MKLN1: variants seen among roughly 807,000 people sequenced by gnomAD.
MKLN1 encodes muskelin.
A neutral mutation model predicts 99.0 loss-of-function variants in MKLN1; 18 were observed. The ratio of observed to expected loss-of-function variants is 0.18; its 90% CI spans 0.13 to 0.27. The LOEUF (loss-of-function observed/expected upper bound fraction) is 0.27. MKLN1 is among the 10% of genes least tolerant of loss of function. MKLN1 has a pLI of 1.00. For missense variants in MKLN1, 621 were observed against 875.9 expected, an observed-to-expected ratio of 0.71 and a Z score of 3.67; for synonymous variants, 288 against 293.2, an observed-to-expected ratio of 0.98 and a Z score of 0.18.
Position 131,297,028 on chromosome 7 carries a change from T to C in MKLN1, c.-178-78396T>C, listed in dbSNP as rs1798300254. On this transcript the variant is annotated intron_variant, in intron 3 of 7. Coordinates refer to the MKLN1 transcript ENST00000416992. Reference sequence around the variant, plus strand: ...TGCTGGGATTACAGGCATGAGCCACTGCACCTGGCCAAGACCTCATCTCTT... The same window carrying C: ...TGCTGGGATTACAGGCATGAGCCACCGCACCTGGCCAAGACCTCATCTCTT... Among the ~76,000 whole-genome samples the C allele has an allele frequency of 1.3e-5, 2 of 151,190 alleles. 1 individual carries two copies. The highest frequency in any genetic ancestry group is 4.3e-4 in the South Asian group (2 of 4,630).
At chr7:131,403,186 CTAT>C (rs1409521530) in intron 6 of MKLN1, among the ~76,000 whole-genome samples, 1 of 152,172 alleles carries the variant, frequency 6.6e-6, no homozygotes, top group Non-Finnish European at 1.5e-5. Flanking sequence ...GCTGCATCTT[CTAT>C]AATACATCAA....
At chr7:131,222,232 C>G (rs1245847179) in intron 3 of MKLN1, among the ~76,000 whole-genome samples, 1 of 152,114 alleles carries the variant, frequency 6.6e-6, no homozygotes, top group Non-Finnish European at 1.5e-5. Flanking sequence ...TTACAACAAC[C>G]CTGTGAGCTA....
chr7:131,129,946 GC>G (rs1563224939), intron 1 of MKLN1, among the ~76,000 whole-genome samples: 1 of 152,108 alleles, frequency 6.6e-6, no homozygotes, highest in African/African-American at 2.4e-5. Flanking sequence ...ATTAACAGTG[GC>G]AATATTGTGG....
chr7:131,411,467 A>G (rs1794872172), intron 7 of MKLN1, 84 bp downstream of exon 7: 6 of 907,024 alleles, frequency 6.6e-6, no homozygotes, highest in African/African-American at 1.7e-5. Flanking sequence ...GTATCATAGT[A>G]CTAAGTTAAT....
chr7:131,264,163 A>G (rs1274999462), intron 3 of MKLN1, among the ~76,000 whole-genome samples: 1 of 152,140 alleles, frequency 6.6e-6, no homozygotes, highest in East Asian at 1.9e-4. Context: ...GCCATAGACA[A>G]ATAGATCTTT....
In MKLN1 at chr7:131,434,226, T is replaced by A. The variant is rs959032215; in HGVS notation, c.961-3559T>A. On this transcript the variant is annotated intron_variant, in intron 9 of 17. Transcript: ENST00000352689. ...AATGATATTGAATCTTTCTACACCA[T>A]GAACATGGTTTAGTCTCCATTTATT... Among the ~76,000 whole-genome samples the A allele has an allele frequency of 2.0e-5, 3 of 152,190 alleles. No individual in the cohort carries two copies. The East Asian group carries it at 5.8e-4, about 29-fold the overall frequency.
intron 15 of MKLN1, among the ~76,000 whole-genome samples, chr7:131,467,189 A>G (rs1796689972): frequency 6.6e-6 from 1 of 152,162 alleles, no homozygotes; most frequent in African/African-American, 2.4e-5. Context: ...GACCCTGTAT[A>G]TTATTCTGTG....
rs745737608 is a variant in MKLN1 at position 131,387,236 on chromosome 7, A to G, written c.285A>G (p.Glu95=). 6.2e-7 allele frequency: 1 copy of G among 1,612,186 alleles called. No homozygotes were observed. The highest frequency in any genetic ancestry group is 8.5e-7 in the Non-Finnish European group (1 of 1,179,290). ...TTAAAGTCTTTGGTGGAATGAATGA[A>G]GAAAATATGACAGAGCTGTTGTCCA... ...KKFKVFGGMN[E]ENMTELLSSG... is the part of the protein sequence containing the mutation. Residue 95 remains glutamate, a synonymous_variant, in exon 3 of 18, where the codon GAA becomes GAG. Transcript: ENST00000352689.
intron 1 of MKLN1, among the ~76,000 whole-genome samples, chr7:131,124,825 C>A (rs1357133499): frequency 6.6e-6 from 1 of 152,212 alleles, no homozygotes; most frequent in Non-Finnish European, 1.5e-5. Flanking sequence ...GCTGCCTACA[C>A]CCCTGCTGTG....
At chr7:131,276,842 G>A (rs1158059465) in intron 3 of MKLN1, among the ~76,000 whole-genome samples, 1 of 152,190 alleles carries the variant, frequency 6.6e-6, no homozygotes, top group African/African-American at 2.4e-5. Context: ...CAGTGACTCT[G>A]TCTGACTTTT....
chr7:131,417,915 G>T (rs899921882), intron 8 of MKLN1, among the ~76,000 whole-genome samples: 6 of 152,066 alleles, frequency 3.9e-5, no homozygotes, highest in Admixed American at 3.9e-4. Context: ...TTATAAGTTG[G>T]AGAAAATTTT....
intron 2 of MKLN1, among the ~76,000 whole-genome samples, chr7:131,161,949 ACG>A (rs767328735): frequency 0.13 from 14,324 of 110,266 alleles, 822 homozygotes; most frequent in African/African-American, 0.14. Flanking sequence ...ACATATATAT[ACG>A]TGTGTGTGTG....
chr7:131,484,875 G>T (rs1173925069), intron 17 of MKLN1, among the ~76,000 whole-genome samples: 8 of 152,008 alleles, frequency 5.3e-5, no homozygotes. Flanking sequence ...GGTTTTCTTG[G>T]TGGAAGAAAG....
intron 1 of MKLN1, among the ~76,000 whole-genome samples, chr7:131,114,066 T>C (rs1795238307): frequency 6.6e-6 from 1 of 152,152 alleles, no homozygotes; most frequent in Admixed American, 6.5e-5. Context: ...GAAATAATGA[T>C]GCATGTCTAA....
intron 6 of MKLN1, among the ~76,000 whole-genome samples, chr7:131,400,266 T>TA (rs992432419): frequency 2.2e-4 from 33 of 150,198 alleles, no homozygotes; most frequent in East Asian, 2.1e-3. Flanking sequence ...ATTGGGTAGC[T>TA]AAAAAAAAAC....
At chr7:131,480,774 G>A (rs1035577293) in intron 17 of MKLN1, among the ~76,000 whole-genome samples, 1 of 152,158 alleles carries the variant, frequency 6.6e-6, no homozygotes, top group Non-Finnish European at 1.5e-5. Context: ...TGAATTGGGG[G>A]TCTGGCATAT....
chr7:131,173,968 C>CTTTTTTTTTTTTTTTTTTT (rs796102760), intron 2 of MKLN1, among the ~76,000 whole-genome samples: 1 of 118,654 alleles, frequency 8.4e-6, no homozygotes. Flanking sequence ...AGACCTTTTT[C>CTTTTTTTTTTTTTTTTTTT]TTTTTCTTTT....
intron 3 of MKLN1, chr7:131,242,626 T>A (rs1797421953): frequency 1.9e-6 from 1 of 527,790 alleles, no homozygotes; most frequent in South Asian, 1.8e-5. Context: ...ACGGTGGTGC[T>A]TGTTCTGGCT....
At chr7:131,446,612 CT>C (rs1329906226) in intron 12 of MKLN1, among the ~76,000 whole-genome samples, 2 of 152,154 alleles carry the variant, frequency 1.3e-5, no homozygotes, top group African/African-American at 4.8e-5. Flanking sequence ...ATTATTGGCT[CT>C]TTTGCCAAAT....
Sources: allele counts gnomAD v4.1 joint callset (sites outside exome capture counted in the v4.1 genomes callset), GRCh38; gene constraint gnomAD v4.1.1; transcripts MANE v1.5; gene names NCBI Gene and HGNC (gene_info 2026-07-23, HGNC 2026-07-21).